Variants in ELAVL1 observed in about 807,000 individuals in gnomAD.
The protein encoded by ELAVL1 is ELAV-like protein 1.
A neutral mutation model predicts 28.4 loss-of-function variants in ELAVL1; 1 was observed. That is an observed-to-expected ratio of 0.04 (90% CI 0.01 to 0.17). The LOEUF is 0.17. ELAVL1 is among the 10% of genes least tolerant of loss of function. The probability of loss-of-function intolerance (pLI) is 1.00; values close to 1 mark genes in which losing one functional copy is unlikely to be tolerated. For synonymous variants in ELAVL1, 174 were observed against 183.5 expected (o/e 0.95, Z 0.42); for missense variants, 157 against 447.2 (o/e 0.35, Z 5.85).
chr19:7,993,621 GA>G (rs1166012786), intron 1 of ELAVL1, among the ~76,000 whole-genome samples: 1 of 152,144 alleles, frequency 6.6e-6, no homozygotes, highest in African/African-American at 2.4e-5. Context: ...CCGCCCTGCT[GA>G]AAGTGCGCCG....
chr19:7,966,625 CATTT>C (rs746061358), intron 5 of ELAVL1, among the ~76,000 whole-genome samples: 18 of 152,120 alleles, frequency 1.2e-4, no homozygotes, highest in Non-Finnish European at 2.5e-4. Flanking sequence ...GTTCATTATT[CATTT>C]ATTTTTTAGA....
chr19:7,986,205 G>C (rs1985596693), intron 2 of ELAVL1, among the ~76,000 whole-genome samples: 1 of 152,246 alleles, frequency 6.6e-6, no homozygotes, highest in Non-Finnish European at 1.5e-5. Context: ...GGGGGCGAGT[G>C]CCCTGTGGGT....
chr19:7,967,833 C>G, intron 4 of ELAVL1, 43 bp from the exon 5 acceptor site: 1 of 1,589,956 alleles, frequency 6.3e-7, no homozygotes, highest in South Asian at 1.1e-5. Flanking sequence ...GGGAAAAACG[C>G]TAGGACTTTC....
intron 2 of ELAVL1, among the ~76,000 whole-genome samples, chr19:7,986,211 T>C (rs906248290): frequency 1.3e-5 from 2 of 152,208 alleles, no homozygotes; most frequent in Admixed American, 6.5e-5. Flanking sequence ...GAGTGCCCTG[T>C]GGGTGAAGCC....
intron 2 of ELAVL1, among the ~76,000 whole-genome samples, chr19:7,987,317 A>C (rs1340073646): frequency 6.6e-6 from 1 of 152,168 alleles, no homozygotes; most frequent in Non-Finnish European, 1.5e-5. Flanking sequence ...CAGGTCATCC[A>C]TGAGGGTAGA....
rs200966998 is a variant in ELAVL1, at chr19:7,973,714, C to A, written c.430+11G>T. The A allele has an allele frequency of 5.2e-5, 84 of 1,610,608 alleles. No individual in the cohort carries two copies. Among genetic ancestry groups the A allele is most frequent in the Admixed American group, 8.4e-5 (5 of 59,794 alleles). ...AACACCCTCCCCACGCGTCTGGGGC[C>A]CCTCTGGTACCTGTAGTCTGATCCA... is the stretch of plus-strand genomic sequence containing the variant. On this transcript the variant is annotated intron_variant, in intron 4 of 5. Coordinates refer to ENST00000407627, the MANE Select transcript of ELAVL1 (RefSeq NM_001419.3).
chr19:7,993,462 T>C (rs1257708766), intron 1 of ELAVL1, among the ~76,000 whole-genome samples: 1 of 152,260 alleles, frequency 6.6e-6, no homozygotes, highest in Non-Finnish European at 1.5e-5. Context: ...TGAGGGTTTC[T>C]CTACCAGTCA....
intron 1 of ELAVL1, among the ~76,000 whole-genome samples, chr19:8,001,736 G>A (rs966672178): frequency 3.9e-5 from 6 of 152,006 alleles, no homozygotes; most frequent in African/African-American, 1.5e-4. Flanking sequence ...AGCTGTTGGG[G>A]TTACAGGTGT....
rs540911277 is a variant in ELAVL1, at chr19:7,969,641, T to G, written c.431-1851A>C. Reference sequence around the variant, plus strand: ...GCTTAGTCAGTCTTGGAAACCTAAATGAAAATCGAACTTTAGGCAAATACG... The same window carrying G: ...GCTTAGTCAGTCTTGGAAACCTAAAGGAAAATCGAACTTTAGGCAAATACG... On this transcript the variant is annotated intron_variant, in intron 4 of 5. Transcript: ENST00000407627. 8.5e-5 allele frequency among the ~76,000 whole-genome samples: 13 copies of G among 152,252 alleles called. 1 individual carries two copies. In the South Asian group the frequency reaches 2.7e-3, roughly 32 times the overall value.
intron 1 of ELAVL1, among the ~76,000 whole-genome samples, chr19:7,998,308 G>A (rs532629713): frequency 6.6e-6 from 1 of 152,178 alleles, no homozygotes; most frequent in Non-Finnish European, 1.5e-5. Context: ...GTCTCTCGAG[G>A]TGCAAGGCCT....
At chr19:7,966,927 A>T (rs962243324) in intron 5 of ELAVL1, among the ~76,000 whole-genome samples, 12 of 151,892 alleles carry the variant, frequency 7.9e-5, no homozygotes, top group African/African-American at 2.9e-4. Context: ...GCATGAAACC[A>T]TCTTTAAAGC....
chr19:7,985,395 G>T (rs944244263), intron 2 of ELAVL1, among the ~76,000 whole-genome samples: 1 of 152,204 alleles, frequency 6.6e-6, no homozygotes, highest in South Asian at 2.1e-4. Context: ...TGGAGTTCAA[G>T]GCAACAACTT....
intron 1 of ELAVL1, among the ~76,000 whole-genome samples, chr19:7,998,734 T>C (rs1178218952): frequency 6.6e-6 from 1 of 151,852 alleles, no homozygotes; most frequent in African/African-American, 2.4e-5. Flanking sequence ...CCTCCTACTT[T>C]GGCCTCCCAA....
intron 1 of ELAVL1, among the ~76,000 whole-genome samples, chr19:8,002,955 G>A (rs2081073214): frequency 6.6e-6 from 1 of 152,178 alleles, no homozygotes; most frequent in Non-Finnish European, 1.5e-5. Flanking sequence ...TAAATCAGAA[G>A]GGATACAATT....
rs1393403275 is a variant in ELAVL1 at position 7,979,986 on chromosome 19, T to C, written c.276+1097A>G. On this transcript the variant is annotated intron_variant, in intron 3 of 5. Transcript: ENST00000407627. This position sits in a 1 kb window ranked among gnomAD's most constrained non-coding sequence, Gnocchi z 5.4. ...GGCCCCCCTGTGACCATGGAATCTA[T>C]ATGTTACAGCTCCCCAGGAGGCCCT... is the stretch of plus-strand genomic sequence containing the variant. Among the ~76,000 whole-genome samples, 4 of 152,088 alleles carry C rather than the reference T, an allele frequency of 2.6e-5. No homozygotes were observed. Among genetic ancestry groups the C allele is most frequent in the Non-Finnish European group, 4.4e-5 (3 of 67,980 alleles).
rs12982225 is a variant in ELAVL1, at chr19:7,962,870, C to A, written c.*613G>T. 0.06 allele frequency: 9,110 copies of A among 152,916 alleles called. 283 individuals are homozygous for A. The highest frequency in any genetic ancestry group is 0.07 in the Non-Finnish European group (4,794 of 68,158). 9.5% of individuals were successfully genotyped at this position (152,916 alleles called of 1,614,324 possible). A position where few individuals can be genotyped will look rare whatever the true frequency, so the allele number is the denominator to read the frequency against. ...TGTGTCCTTCTCTGGAGGGCCCGCC[C>A]AGCATGCAGCCCGTGGCCCCCGGCC... On this transcript the variant is annotated 3_prime_UTR_variant, in exon 6 of 6. Coordinates refer to ENST00000407627, the MANE Select transcript of ELAVL1 (RefSeq NM_001419.3).
intron 5 of ELAVL1, among the ~76,000 whole-genome samples, chr19:7,966,939 C>T (rs186943894): frequency 3.9e-5 from 6 of 152,088 alleles, no homozygotes; most frequent in African/African-American, 7.2e-5. Flanking sequence ...CTTTAAAGCT[C>T]GCGGCTCCGT....
chr19:7,969,627 C>T (rs1985050511), intron 4 of ELAVL1, among the ~76,000 whole-genome samples: 1 of 152,188 alleles, frequency 6.6e-6, no homozygotes, highest in Admixed American at 6.5e-5. Context: ...CTTAGTCAGT[C>T]TTGGAAACCT....
At chr19:7,966,903 C>A (rs1411533114) in intron 5 of ELAVL1, among the ~76,000 whole-genome samples, 1 of 152,300 alleles carries the variant, frequency 6.6e-6, no homozygotes, top group African/African-American at 2.4e-5. Flanking sequence ...CAGGTGTGTG[C>A]TCCCCCACAC....
Sources: gnomAD v4.1 joint callset for allele counts (sites outside exome capture counted in the v4.1 genomes callset) on GRCh38, gnomAD v4.1.1 for gene constraint, Gnocchi (gnomAD v3.1) non-coding constraint, MANE v1.5 for transcripts, NCBI Gene and HGNC (gene_info 2026-07-23, HGNC 2026-07-21) for gene names.